Variants in RNLS observed in about 807,000 individuals in gnomAD.
The protein encoded by RNLS is renalase.
Under a neutral mutation model 39.8 loss-of-function variants are expected in RNLS, and 39 were observed. The ratio of observed to expected loss-of-function variants is 0.98; its 90% CI spans 0.76 to 1.28. RNLS has a LOEUF of 1.28. Ranked by LOEUF, RNLS falls within the 50% of genes most tolerant of loss-of-function variation. The probability of loss-of-function intolerance (pLI) is 0.00; values close to 1 mark genes in which losing one functional copy is unlikely to be tolerated. For synonymous variants in RNLS, 147 were observed against 150.7 expected (o/e 0.98, Z 0.18); for missense variants, 410 against 413.3 (o/e 0.99, Z 0.07).
chr10:88,307,402 T>C (rs1315915011), intron 6 of RNLS, among the ~76,000 whole-genome samples: 1 of 152,224 alleles, frequency 6.6e-6, no homozygotes, highest in Non-Finnish European at 1.5e-5. Flanking sequence ...GTAGATGGCA[T>C]GATCCTATAT....
At chr10:88,205,916 G>A in the RNLS span, among the ~76,000 whole-genome samples, 1 of 152,068 alleles carries the variant, frequency 6.6e-6, no homozygotes, top group Non-Finnish European at 1.5e-5. Flanking sequence ...GGATTCCAGG[G>A]CTGCTTTTGA....
At position 88,568,418 on chromosome 10, in the gene RNLS, T is replaced by C. The variant is rs1338281304; in HGVS notation, c.526+4485A>G. Among the ~76,000 whole-genome samples the C allele has an allele frequency of 4.6e-5, 7 of 152,276 alleles. 1 individual carries two copies. The South Asian group carries it at 1.5e-3, about 32-fold the overall frequency. On this transcript the variant is annotated intron_variant, in intron 4 of 6. Coordinates refer to ENST00000331772, the MANE Select transcript of RNLS (RefSeq NM_001031709.3). Reference sequence around the variant, plus strand: ...TACAGACATTGATAATGGTTGCCTATATCAGTTATTATACTAAAAACCACT... The same window carrying C: ...TACAGACATTGATAATGGTTGCCTACATCAGTTATTATACTAAAAACCACT...
chr10:88,178,815 A>C, the RNLS span, among the ~76,000 whole-genome samples: 25 of 152,316 alleles, frequency 1.6e-4, 1 homozygote, highest in Non-Finnish European at 3.2e-4. Flanking sequence ...AGATCTTATC[A>C]GGGGAGAAAC....
chr10:88,242,037 T>A, the RNLS span, among the ~76,000 whole-genome samples: 1 of 152,210 alleles, frequency 6.6e-6, no homozygotes, highest in South Asian at 2.1e-4. Flanking sequence ...AGACCCTTGA[T>A]GGAAGGTGCA....
intron 4 of RNLS, among the ~76,000 whole-genome samples, chr10:88,422,876 G>A (rs968868837): frequency 2.6e-5 from 4 of 151,588 alleles, no homozygotes; most frequent in African/African-American, 9.7e-5. Flanking sequence ...CAATCCTCCC[G>A]CCTCAGCCTC....
At chr10:88,515,343 C>CT (rs1369403411) in intron 4 of RNLS, among the ~76,000 whole-genome samples, 1 of 152,054 alleles carries the variant, frequency 6.6e-6, no homozygotes, top group Admixed American at 6.6e-5. Flanking sequence ...AACTGCTTCA[C>CT]TTAAACTCTA....
intron 4 of RNLS, among the ~76,000 whole-genome samples, chr10:88,393,036 G>A (rs893849023): frequency 7.9e-5 from 12 of 152,050 alleles, no homozygotes; most frequent in Non-Finnish European, 1.2e-4. Flanking sequence ...TTGATGGAAC[G>A]TATCTCAAAA....
intron 6 of RNLS, among the ~76,000 whole-genome samples, chr10:88,295,947 T>A (rs1844067548): frequency 6.6e-6 from 1 of 152,202 alleles, no homozygotes; most frequent in Admixed American, 6.5e-5. Flanking sequence ...AATACGGTTT[T>A]CTCTAGAACT....
chr10:88,234,261 C>T, the RNLS span, among the ~76,000 whole-genome samples: 1 of 151,828 alleles, frequency 6.6e-6, no homozygotes, highest in Non-Finnish European at 1.5e-5. Context: ...TCCCTGCTTC[C>T]CTCTCATTTA....
chr10:88,513,660 A>G (rs1044187028), intron 4 of RNLS, among the ~76,000 whole-genome samples: 8 of 152,168 alleles, frequency 5.3e-5, no homozygotes, highest in African/African-American at 1.7e-4. Context: ...TGTCATTACA[A>G]TTAGTACTGT....
At chr10:88,484,916 TTTTGTTTG>T in intron 4 of RNLS, among the ~76,000 whole-genome samples, 1 of 152,130 alleles carries the variant, frequency 6.6e-6, no homozygotes, top group Admixed American at 6.5e-5. Context: ...TGCTTAGCAA[TTTTGTTTG>T]TTTGTTTGTT....
chr10:88,309,424 G>A lies in RNLS; in HGVS notation c.876+5042C>T, dbSNP rs772289148. 1.5e-5 allele frequency: 19 copies of A among 1,289,572 alleles called. No homozygotes were observed. The African/African-American group carries it at 1.8e-4, about 12-fold the overall frequency. 79.9% of individuals were successfully genotyped at this position (1,289,572 alleles called of 1,614,324 possible). A position where few individuals can be genotyped will look rare whatever the true frequency, so the allele number is the denominator to read the frequency against. On this transcript the variant is annotated intron_variant, in intron 6 of 6. Transcript: ENST00000331772. ...TCATGAGGGGATAATGTAAACGTAC[G>A]GGTGGTCTCAAGCTCTTCTGTGTGC...
At chr10:88,202,240 T>C in the RNLS span, among the ~76,000 whole-genome samples, 6 of 137,896 alleles carry the variant, frequency 4.4e-5, no homozygotes, top group East Asian at 4.3e-4. Context: ...TAGGTGGGAA[T>C]TGAACAATGA....
chr10:88,473,833 A>T (rs1342458), intron 4 of RNLS, among the ~76,000 whole-genome samples: 28,257 of 151,884 alleles, frequency 0.19, 2,885 homozygotes, highest in Middle Eastern at 0.28. Flanking sequence ...CCATATATAT[A>T]TATTTTTCTC....
At chr10:88,187,431 A>G in the RNLS span, among the ~76,000 whole-genome samples, 1 of 152,030 alleles carries the variant, frequency 6.6e-6, no homozygotes, top group Non-Finnish European at 1.5e-5. Context: ...ATGGTGGGAC[A>G]GACATTTGCC....
intron 4 of RNLS, among the ~76,000 whole-genome samples, chr10:88,483,636 G>GT (rs1484001384): frequency 2.0e-5 from 3 of 151,936 alleles, no homozygotes; most frequent in South Asian, 2.1e-4. Context: ...TAGAAGTTGC[G>GT]TTTTTTATAT....
At chr10:88,314,339 A>C in intron 6 of RNLS, 127 bp downstream of exon 6, 1 of 946,666 alleles carries the variant, frequency 1.1e-6, no homozygotes, top group South Asian at 1.7e-5. Flanking sequence ...GGGCAAACAC[A>C]TATTTGCTCC....
At chr10:88,304,678 A>T (rs1844795464) in intron 6 of RNLS, among the ~76,000 whole-genome samples, 1 of 152,232 alleles carries the variant, frequency 6.6e-6, no homozygotes, top group African/African-American at 2.4e-5. Flanking sequence ...AACCTCCAAG[A>T]AATATGGGAT....
At chr10:88,535,586 C>T (rs1398940546) in intron 4 of RNLS, among the ~76,000 whole-genome samples, 1 of 151,240 alleles carries the variant, frequency 6.6e-6, no homozygotes, top group African/African-American at 2.4e-5. Flanking sequence ...TACCCCTGAA[C>T]TTAAAAGTTG....
Sources: gnomAD v4.1 joint callset for allele counts (sites outside exome capture counted in the v4.1 genomes callset) on GRCh38, gnomAD v4.1.1 for gene constraint, MANE v1.5 for transcripts, NCBI Gene and HGNC (gene_info 2026-07-23, HGNC 2026-07-21) for gene names.